The following MGAT5 variants were observed in gnomAD, a reference collection of about 807,000 sequenced individuals.
MGAT5 encodes the protein alpha-1,6-mannosylglycoprotein 6-beta-N-acetylglucosaminyltransferase A.
In MGAT5, 30 loss-of-function variants were observed where a neutral mutation model predicts 94.3. That is an observed-to-expected ratio of 0.32 (90% CI 0.24 to 0.43). The LOEUF is 0.43. MGAT5 is among the 20% of genes least tolerant of loss of function. The probability of loss-of-function intolerance (pLI) is 1.00; values close to 1 mark genes in which losing one functional copy is unlikely to be tolerated. For missense variants in MGAT5, 691 were observed against 905.5 expected, an observed-to-expected ratio of 0.76 and a Z score of 3.04; for synonymous variants, 310 against 322.9, an observed-to-expected ratio of 0.96 and a Z score of 0.43.
chr2:134,124,806 A>C (rs1409413391), intron 1 of MGAT5, among the ~76,000 whole-genome samples: 1 of 152,232 alleles, frequency 6.6e-6, no homozygotes, highest in Non-Finnish European at 1.5e-5. Context: ...CCCTAGAATA[A>C]TAACAGCCTC....
chr2:134,417,226 T>C (rs1437220632), intron 12 of MGAT5, among the ~76,000 whole-genome samples: 1 of 151,982 alleles, frequency 6.6e-6, no homozygotes, highest in African/African-American at 2.4e-5. Flanking sequence ...TAATATGGAG[T>C]TCAGGCATAC....
chr2:134,372,274 T>C (rs1680858436), intron 10 of MGAT5, among the ~76,000 whole-genome samples: 1 of 152,232 alleles, frequency 6.6e-6, no homozygotes, highest in Non-Finnish European at 1.5e-5. Flanking sequence ...CTCCGGGCCT[T>C]TGCTTCCCAG....
chr2:134,179,734 G>A (rs1688646165), intron 1 of MGAT5, among the ~76,000 whole-genome samples: 1 of 152,162 alleles, frequency 6.6e-6, no homozygotes, highest in Non-Finnish European at 1.5e-5. Flanking sequence ...TCTGTCAGAG[G>A]CATTTGAACG....
chr2:134,318,605 G>A, intron 3 of MGAT5, 45 bp from the exon 4 acceptor site: 1 of 1,396,684 alleles, frequency 7.2e-7, no homozygotes, highest in Non-Finnish European at 1.0e-6. Context: ...AGCAGATGTG[G>A]AGGGCCTGTG....
intron 1 of MGAT5, among the ~76,000 whole-genome samples, chr2:134,267,066 G>A (rs2105609430): frequency 1.3e-5 from 2 of 152,328 alleles, no homozygotes; most frequent in South Asian, 4.1e-4. Flanking sequence ...ACAGGACAGG[G>A]ACATGAGTGA....
At chr2:134,200,721 C>T (rs539717057) in intron 1 of MGAT5, among the ~76,000 whole-genome samples, 6 of 152,150 alleles carry the variant, frequency 3.9e-5, no homozygotes, top group African/African-American at 9.6e-5. Flanking sequence ...TTCTGGTAAA[C>T]GAAATAAACA....
intron 14 of MGAT5, among the ~76,000 whole-genome samples, chr2:134,439,412 C>G (rs1685348757): frequency 6.6e-6 from 1 of 152,126 alleles, no homozygotes; most frequent in Non-Finnish European, 1.5e-5. Context: ...AAAAGTAACA[C>G]AAGGCCGGGC....
chr2:134,120,571 C>T (rs6430497), intron 1 of MGAT5, among the ~76,000 whole-genome samples: 1 of 151,668 alleles, frequency 6.6e-6, no homozygotes, highest in African/African-American at 2.4e-5. Context: ...AGGCTGAACC[C>T]CCCCCGCCCC....
chr2:134,362,156 C>T (rs898545543), intron 9 of MGAT5, 119 bp from the exon 10 acceptor site: 2 of 1,212,348 alleles, frequency 1.6e-6, no homozygotes, highest in African/African-American at 3.0e-5. Flanking sequence ...TAAGAAAGAA[C>T]AGGGTAAGAT....
chr2:134,164,010 C>T (rs1016919938), intron 1 of MGAT5, among the ~76,000 whole-genome samples: 26 of 152,156 alleles, frequency 1.7e-4, no homozygotes, highest in African/African-American at 6.0e-4. Flanking sequence ...AGAAGAAATG[C>T]AGTGTGTAGG....
At chr2:134,237,162 A>C (rs1423765689) in intron 1 of MGAT5, among the ~76,000 whole-genome samples, 1 of 77,274 alleles carries the variant, frequency 1.3e-5, no homozygotes, top group African/African-American at 5.9e-5. Flanking sequence ...CGTGTGTGTG[A>C]ATTTTTACCC....
chr2:134,261,630 C>A (rs1048720498), intron 1 of MGAT5, among the ~76,000 whole-genome samples: 2 of 152,218 alleles, frequency 1.3e-5, no homozygotes, highest in African/African-American at 4.8e-5. Flanking sequence ...CCCACTGTTA[C>A]TCTCATTCTT....
intron 1 of MGAT5, among the ~76,000 whole-genome samples, chr2:134,139,416 G>T (rs1686564759): frequency 1.5e-5 from 2 of 131,116 alleles, no homozygotes; most frequent in Admixed American, 7.6e-5. Flanking sequence ...AGGCAATTTT[G>T]TGTATGGTAT....
chr2:134,350,044 A>C (rs1679271528), intron 9 of MGAT5, 106 bp downstream of exon 9: 3 of 1,262,862 alleles, frequency 2.4e-6, no homozygotes, highest in South Asian at 1.4e-5. Flanking sequence ...CATTAGCTGT[A>C]GAAGTGTGTG....
At chr2:134,224,742 C>T (rs1028724893) in intron 1 of MGAT5, among the ~76,000 whole-genome samples, 10 of 152,040 alleles carry the variant, frequency 6.6e-5, no homozygotes, top group East Asian at 1.9e-4. Context: ...GACCGTTAGA[C>T]GCTTAATGGA....
At position 134,336,243 on chromosome 2, in the gene MGAT5, T is replaced by C; in HGVS notation, c.600T>C (p.Pro200=). 1.2e-6 allele frequency: 2 copies of C among 1,612,886 alleles called. No individual in the cohort carries two copies. The highest frequency in any genetic ancestry group is 1.7e-6 in the Non-Finnish European group (2 of 1,179,332). Residue 200 remains proline, a synonymous_variant, in exon 5 of 16, where the codon CCT becomes CCC. Coordinates refer to ENST00000281923, the MANE Select transcript of MGAT5 (RefSeq NM_002410.5). ...SEVENWCPHL[P]WRAKNPYEEA... ...TTGAAAATTGGTGTCCTCATTTACC[T>C]TGGAGAGCAAAAAATCCCTACGAAG...
At chr2:134,384,551 A>T (rs1293148952) in intron 10 of MGAT5, among the ~76,000 whole-genome samples, 1 of 152,228 alleles carries the variant, frequency 6.6e-6, no homozygotes, top group South Asian at 2.1e-4. Flanking sequence ...TGGATTCTTT[A>T]TAACTATTTG....
chr2:134,162,361 A>T (rs1200511071), intron 1 of MGAT5, among the ~76,000 whole-genome samples: 2 of 152,210 alleles, frequency 1.3e-5, no homozygotes, highest in Non-Finnish European at 2.9e-5. Context: ...GAATATGACC[A>T]GAAGGAGATG....
chr2:134,138,495 T>C lies in MGAT5; in HGVS notation c.-143+18204T>C, dbSNP rs139117070. Reference sequence around the variant, plus strand: ...ACACGGATAGATCCCATTACCATTTTATAGACCATATCACAGTAGAAAGTG... The same window carrying C: ...ACACGGATAGATCCCATTACCATTTCATAGACCATATCACAGTAGAAAGTG... On this transcript the variant is annotated intron_variant, in intron 1 of 16. Coordinates refer to the MGAT5 transcript ENST00000409645. Among the ~76,000 whole-genome samples, 260 of 152,346 alleles carry C rather than the reference T, an allele frequency of 1.7e-3. 1 individual carries two copies. Among genetic ancestry groups the C allele is most frequent in the Admixed American group, 4.8e-3 (74 of 15,302 alleles).
Sources: gnomAD v4.1 joint callset for allele counts (sites outside exome capture counted in the v4.1 genomes callset) on GRCh38, gnomAD v4.1.1 for gene constraint, MANE v1.5 for transcripts, NCBI Gene and HGNC (gene_info 2026-07-23, HGNC 2026-07-21) for gene names.